RP2: variants seen among roughly 807,000 people sequenced by gnomAD.
The protein encoded by RP2 is protein XRP2.
In RP2, 3 loss-of-function variants were observed where a neutral mutation model predicts 20.3. The observed-to-expected ratio is 0.15, with a 90% CI of 0.07 to 0.38. RP2 has a LOEUF of 0.38. RP2 is among the 10% of genes least tolerant of loss of function. The probability of loss-of-function intolerance (pLI) is 1.00; values close to 1 mark genes in which losing one functional copy is unlikely to be tolerated. For missense variants in RP2, 233 were observed against 268.5 expected (o/e 0.87, Z 0.92); for synonymous variants, 75 against 94.8 (o/e 0.79, Z 1.22).
rs1387969708 is a variant in RP2, at chrX:46,879,895, TAATA to T, written c.*130_*133del. 9.7e-6 allele frequency: 4 copies of T among 412,758 alleles called. No individual in the cohort carries two copies. The African/African-American group carries it at 1.0e-4, about 10-fold the overall frequency. 34.0% of individuals were successfully genotyped at this position (412,758 alleles called of 1,213,427 possible). A position where few individuals can be genotyped will look rare whatever the true frequency, so the allele number is the denominator to read the frequency against. Reference sequence around the variant, plus strand: ...GCTAAAACTTTTAAAGTTTATTTTTTAATAAATTGTTGAGTATTACATCATTTAC... The same window carrying T: ...GCTAAAACTTTTAAAGTTTATTTTTTAATTGTTGAGTATTACATCATTTAC... On this transcript the variant is annotated 3_prime_UTR_variant, in exon 5 of 5. Transcript: ENST00000218340.
chrX:46,842,681 A>G lies in RP2; in HGVS notation c.102+5479A>G, dbSNP rs1163930144. On this transcript the variant is annotated intron_variant, in intron 1 of 4. Coordinates refer to ENST00000218340, the MANE Select transcript of RP2 (RefSeq NM_006915.3). ...AACCACAAACTTATTTTCTGTCTCT[A>G]TAAGTGTTCCTATTTTGGACATTTC... Among the ~76,000 whole-genome samples the G allele has an allele frequency of 4.5e-5, 5 of 111,865 alleles. No homozygotes were observed. In the Admixed American group the frequency reaches 4.8e-4, roughly 11 times the overall value.
At chrX:46,851,604 C>T (rs1556318114) in intron 1 of RP2, among the ~76,000 whole-genome samples, 1 of 105,412 alleles carries the variant, frequency 9.5e-6, no homozygotes. Context: ...CCATTGCACT[C>T]CAGCCTGGGT....
rs1057515895 is a variant in RP2, at chrX:46,881,227, G to A, written c.*1458G>A. The A allele has an allele frequency of 4.5e-5, 5 of 111,048 alleles. No individual in the cohort carries two copies. Among genetic ancestry groups the A allele is most frequent in the African/African-American group, 1.3e-4 (4 of 30,532 alleles). 9.2% of individuals were successfully genotyped at this position (111,048 alleles called of 1,213,427 possible). On this transcript the variant is annotated 3_prime_UTR_variant, in exon 5 of 5. Transcript: ENST00000218340. ...TTTAAATTAATTAGTAATATTGAGC[G>A]CTCACCCTGTGCGTGGCCTTGTGCT...
chrX:46,863,358 G>T (rs782477258), intron 3 of RP2, among the ~76,000 whole-genome samples: 1 of 112,262 alleles, frequency 8.9e-6, no homozygotes, highest in East Asian at 2.8e-4. Context: ...CTTTTGGTGG[G>T]TGTAGGTGAA....
At position 46,849,886 on chromosome X, in the gene RP2, TA is replaced by T. The variant is rs1483407206; in HGVS notation, c.103-3588del. ...GGACCTCTAAGGAAGTAATTAAGGTTAAGTGAGGTCATAAAGGTAGAGTGCT... is the reference window on the plus strand; with the variant it reads ...GGACCTCTAAGGAAGTAATTAAGGTTAGTGAGGTCATAAAGGTAGAGTGCT... On this transcript the variant is annotated intron_variant, in intron 1 of 4. Transcript: ENST00000218340. Among the ~76,000 whole-genome samples, 12 of 111,591 alleles carry T rather than the reference TA, an allele frequency of 1.1e-4. No homozygotes were observed. The Admixed American group carries it at 1.1e-3, about 11-fold the overall frequency.
chrX:46,851,699 A>C (rs1410477229), intron 1 of RP2, among the ~76,000 whole-genome samples: 1 of 111,536 alleles, frequency 9.0e-6, no homozygotes, highest in Non-Finnish European at 1.9e-5. Context: ...TGGGAGGCCG[A>C]GGCAGGTGGA....
rs1304317100 is a variant in RP2, at chrX:46,879,885, G to C, written c.*116G>C. On this transcript the variant is annotated 3_prime_UTR_variant, in exon 5 of 5. Transcript: ENST00000218340. ...TTTTACTAATGCTAAAACTTTTAAAGTTTATTTTTTAATAAATTGTTGAGT... is the reference window on the plus strand; with the variant it reads ...TTTTACTAATGCTAAAACTTTTAAACTTTATTTTTTAATAAATTGTTGAGT... 1 of 424,975 alleles carries C rather than the reference G, an allele frequency of 2.4e-6. No homozygotes were observed. The highest frequency in any genetic ancestry group is 4.1e-6 in the Non-Finnish European group (1 of 245,930). The allele number at this position is 424,975 out of a possible 1,213,427, so 35.0% of individuals were successfully genotyped here.
intron 1 of RP2, among the ~76,000 whole-genome samples, chrX:46,839,690 A>G (rs781848373): frequency 3.6e-5 from 4 of 112,298 alleles, no homozygotes; most frequent in African/African-American, 1.3e-4. Flanking sequence ...CTCCTAGAAG[A>G]TTTCAGTTGT....
At chrX:46,857,616 A>G (rs1332140526) in intron 2 of RP2, among the ~76,000 whole-genome samples, 2 of 111,863 alleles carry the variant, frequency 1.8e-5, no homozygotes, top group African/African-American at 6.5e-5. Flanking sequence ...TACCTACATC[A>G]CAGATATGTA....
At chrX:46,843,228 C>T (rs1924657260) in intron 1 of RP2, among the ~76,000 whole-genome samples, 2 of 110,565 alleles carry the variant, frequency 1.8e-5, no homozygotes, top group African/African-American at 6.6e-5. Context: ...AGGATGGTCT[C>T]GATCTCCTGA....
chrX:46,837,099 C>A lies in RP2; in HGVS notation c.-2C>A, dbSNP rs1259202972. 3 of 1,166,354 alleles carry A rather than the reference C, an allele frequency of 2.6e-6. No individual in the cohort carries two copies. The Admixed American group carries it at 7.8e-5, about 30-fold the overall frequency. ...GGCCAACGAGCTCCGCGGGCTGGGA[C>A]CATGGGCTGCTTCTTCTCCAAGAGA... On this transcript the variant is annotated 5_prime_UTR_variant, in exon 1 of 5. Transcript: ENST00000218340.
At chrX:46,852,209 AAG>A (rs782717608) in intron 1 of RP2, among the ~76,000 whole-genome samples, 2 of 108,594 alleles carry the variant, frequency 1.8e-5, no homozygotes, top group African/African-American at 6.7e-5. Context: ...TCCGTCTCGA[AAG>A]AGAGAGAGAG....
intron 2 of RP2, among the ~76,000 whole-genome samples, 179 bp from the exon 3 acceptor site, chrX:46,859,809 A>G (rs1165241868): frequency 1.8e-5 from 2 of 112,414 alleles, no homozygotes; most frequent in African/African-American, 6.5e-5. Context: ...ACCCATCTGT[A>G]AGAAAGAATC....
intron 4 of RP2, 121 bp from the exon 5 acceptor site, chrX:46,879,565 A>G: frequency 4.4e-6 from 2 of 454,553 alleles, no homozygotes; most frequent in South Asian, 3.7e-5. Flanking sequence ...GTCATTATAA[A>G]TGATGTACTT....
intron 3 of RP2, among the ~76,000 whole-genome samples, chrX:46,875,363 T>C (rs1925359869): frequency 9.2e-6 from 1 of 109,236 alleles, no homozygotes; most frequent in African/African-American, 3.3e-5. Flanking sequence ...TAACAGATGT[T>C]AACAGAACTC....
At chrX:46,841,456 C>T (rs1314369910) in intron 1 of RP2, among the ~76,000 whole-genome samples, 3 of 112,063 alleles carry the variant, frequency 2.7e-5, no homozygotes, top group Admixed American at 9.5e-5. Flanking sequence ...TGGCATCAAC[C>T]GTGACAGCTT....
intron 2 of RP2, 41 bp downstream of exon 2, chrX:46,854,182 T>A (rs1556318789): frequency 1.8e-6 from 2 of 1,135,320 alleles, no homozygotes; most frequent in Admixed American, 4.4e-5. Context: ...CACCTAGATT[T>A]AAAAATGTAC....
intron 1 of RP2, among the ~76,000 whole-genome samples, chrX:46,842,966 G>T (rs142146758): frequency 1.0e-4 from 11 of 106,974 alleles, no homozygotes; most frequent in Non-Finnish European, 1.9e-4. Flanking sequence ...ACACATCTAG[G>T]TTTGGAATTG....
intron 3 of RP2, among the ~76,000 whole-genome samples, chrX:46,877,066 G>T (rs1158165715): frequency 4.5e-5 from 5 of 112,359 alleles, no homozygotes; most frequent in African/African-American, 1.6e-4. Context: ...CATTATTGGT[G>T]GCCTAGAACT....
Sources: gnomAD v4.1 joint callset for allele counts (sites outside exome capture counted in the v4.1 genomes callset) on GRCh38, gnomAD v4.1.1 for gene constraint, MANE v1.5 for transcripts, NCBI Gene and HGNC (gene_info 2026-07-23, HGNC 2026-07-21) for gene names.